The following ARHGAP9 variants were observed in gnomAD, a reference collection of about 807,000 sequenced individuals.
The protein encoded by ARHGAP9 is rho GTPase-activating protein 9.
A neutral mutation model predicts 87.3 loss-of-function variants in ARHGAP9; 76 were observed. That is an observed-to-expected ratio of 0.87 (90% CI 0.72 to 1.05). The LOEUF is 1.05. ARHGAP9 is among the 50% of genes least tolerant of loss of function. The probability of loss-of-function intolerance (pLI) is 0.00; values close to 1 mark genes in which losing one functional copy is unlikely to be tolerated. For synonymous variants in ARHGAP9, 382 were observed against 394.9 expected, an observed-to-expected ratio of 0.97 and a Z score of 0.39; for missense variants, 941 against 960.5, an observed-to-expected ratio of 0.98 and a Z score of 0.27.
At position 57,475,365 on chromosome 12, in the gene ARHGAP9, A is replaced by T; in HGVS notation, c.1478T>A (p.Val493Glu). The T allele has an allele frequency of 6.2e-7, 1 of 1,602,076 alleles. No homozygotes were observed. The highest frequency in any genetic ancestry group is 8.5e-7 in the Non-Finnish European group (1 of 1,174,254). Residue 493 changes from valine (V) to glutamate (E), a missense_variant, in exon 12 of 18, where the codon GTG (valine) becomes GAG (glutamate). Coordinates refer to ENST00000393791, the MANE Select transcript of ARHGAP9 (RefSeq NM_032496.4). The part of the protein sequence containing the change: ...RGPEGTEQNR[V>E]RNKLKRLIAK... ...GATGAGCCGCTTTAGTTTGTTGCGC[A>T]CGCGGTTCTGCTCGGTGCCTTCGGG... is the stretch of plus-strand genomic sequence containing the variant.
chr12:57,476,232 G>T, intron 8 of ARHGAP9, 66 bp from the exon 9 acceptor site: 1 of 1,494,020 alleles, frequency 6.7e-7, no homozygotes, highest in Admixed American at 2.1e-5. Context: ...CTCCCCGGTG[G>T]GCTGTGAGGA....
Position 57,477,198 on chromosome 12 carries a change from GC to G in ARHGAP9, c.827del (p.Gly276AlafsTer56), listed in dbSNP as rs1303821277. 1 of 1,611,148 alleles carries G rather than the reference GC, an allele frequency of 6.2e-7. No homozygotes were observed. The highest frequency in any genetic ancestry group is 8.5e-7 in the Non-Finnish European group (1 of 1,178,390). ...NNDVLQPQAK[G>X]FRSDTGTPEP... ...CTGGGGTCCCTGTGTCAGATCTGAA[GC>G]CCTTTGCCTGAGGTTGCAGGACATC... On this transcript the variant is annotated frameshift_variant, in exon 5 of 18. Coordinates refer to ENST00000393791, the MANE Select transcript of ARHGAP9 (RefSeq NM_032496.4). LOFTEE classifies it high-confidence loss of function.
At chr12:57,481,479 C>T (rs925923866), upstream of ARHGAP9, among the ~76,000 whole-genome samples, 2 of 152,154 alleles carry the variant, frequency 1.3e-5, no homozygotes, top group Non-Finnish European at 2.9e-5. Context: ...TCTCGAACTC[C>T]TGACCTCGTG....
chr12:57,477,813 G>T (rs1460968336), intron 3 of ARHGAP9, 133 bp from the exon 4 acceptor site: 2 of 1,511,084 alleles, frequency 1.3e-6, no homozygotes, highest in African/African-American at 2.8e-5. Context: ...GTGACCCAGG[G>T]TACTGGGGGA....
At position 57,478,637 on chromosome 12, in the gene ARHGAP9, T is replaced by C. The variant is rs1003984138; in HGVS notation, c.437A>G (p.Asp146Gly). The C allele has an allele frequency of 1.2e-6, 2 of 1,613,922 alleles. No individual in the cohort carries two copies. The highest frequency in any genetic ancestry group is 2.7e-5 in the African/African-American group (2 of 74,862). Residue 146 changes from aspartate (D) to glycine (G), a missense_variant, in exon 3 of 18, where the codon GAC becomes GGC. Transcript: ENST00000393791. ...CTTCAGAAGGCTGGGGCTCAGATTGTCAGTGCTGACGCTCCTACACATTTT... is the reference window on the plus strand; with the variant it reads ...CTTCAGAAGGCTGGGGCTCAGATTGCCAGTGCTGACGCTCCTACACATTTT... ...PRKMCRSVST[D>G]NLSPSLLKPF...
At chr12:57,477,040 G>T in intron 5 of ARHGAP9, 77 bp from the exon 6 acceptor site, 1 of 1,527,176 alleles carries the variant, frequency 6.5e-7, no homozygotes, top group Admixed American at 1.7e-5. Context: ...AAGAGGGGTG[G>T]GATACGGGTG....
At chr12:57,484,585 GTCATAACTTTAT>G (rs1385824990), upstream of ARHGAP9, among the ~76,000 whole-genome samples, 1 of 152,114 alleles carries the variant, frequency 6.6e-6, no homozygotes, top group African/African-American at 2.4e-5. Context: ...CTGGCATAAA[GTCATAACTTTAT>G]GCCTCAGTTC....
At position 57,475,131 on chromosome 12, in the gene ARHGAP9, C is replaced by G. The variant is rs926188968; in HGVS notation, c.1553-158G>C. The G allele has an allele frequency of 1.3e-5, 15 of 1,117,836 alleles. No homozygotes were observed. In the African/African-American group the frequency reaches 2.0e-4, roughly 15 times the overall value. The allele number at this position is 1,117,836 out of a possible 1,614,324, so 69.2% of individuals were successfully genotyped here. A position where few individuals can be genotyped will look rare whatever the true frequency, so the allele number is the denominator to read the frequency against. On this transcript the variant is annotated intron_variant, in intron 12 of 17. Transcript: ENST00000393791. ...TCCACCTCCCTTCCCCTGCTTCAAACAATCTGGCAAAGGGGTACAGGTCAC... is the reference window on the plus strand; with the variant it reads ...TCCACCTCCCTTCCCCTGCTTCAAAGAATCTGGCAAAGGGGTACAGGTCAC...
chr12:57,475,862 G>A lies in ARHGAP9; in HGVS notation c.1282C>T (p.Arg428Cys), dbSNP rs1474466465. ...CGCTCGATGACAGTCCGCAGCGCGCGGTGCCAGGCTCGCAGCTCTGTCTCG... is the reference window on the plus strand; with the variant it reads ...CGCTCGATGACAGTCCGCAGCGCGCAGTGCCAGGCTCGCAGCTCTGTCTCG... ...DHETELRAWHRALRTVIERLD... is the reference protein window; with the variant it reads ...DHETELRAWHCALRTVIERLD... The change falls in exon 10 of 18, where the codon CGC becomes TGC. Residue 428 changes from arginine (R) to cysteine (C), a missense_variant. By Grantham distance (180) the Arg-to-Cys change is radical. Coordinates refer to ENST00000393791, the MANE Select transcript of ARHGAP9 (RefSeq NM_032496.4). The A allele has an allele frequency of 1.2e-6, 2 of 1,613,810 alleles. No individual in the cohort carries two copies. The highest frequency in any genetic ancestry group is 1.7e-5 in the Admixed American group (1 of 59,986).
upstream of ARHGAP9, among the ~76,000 whole-genome samples, chr12:57,484,819 A>AT (rs1875278860): frequency 6.8e-6 from 1 of 146,972 alleles, no homozygotes. Context: ...TAATTTTTGT[A>AT]TTTTTTAGTA....
At chr12:57,479,453 A>C (rs1485073984) in intron 1 of ARHGAP9, 29 bp from the exon 2 acceptor site, 1 of 1,590,088 alleles carries the variant, frequency 6.3e-7, no homozygotes. Flanking sequence ...CTGGAGACCC[A>C]GAAGGGAATA....
At position 57,479,184 on chromosome 12, in the gene ARHGAP9, G is replaced by T; in HGVS notation, c.223C>A (p.Pro75Thr). ...ATATAGGCTGCTGGGACGAAGATGGGTCGAGAGGTGGAGGGAGCTTCTAGG... is the reference window on the plus strand; with the variant it reads ...ATATAGGCTGCTGGGACGAAGATGGTTCGAGAGGTGGAGGGAGCTTCTAGG... ...RRLEAPSTSR[P>T]IFVPAAYMIE... The change falls in exon 2 of 18, where the codon CCC (proline) becomes ACC (threonine). Residue 75 changes from proline (P) to threonine (T), a missense_variant. Pro to Thr is a conservative substitution (Grantham distance 38). Transcript: ENST00000393791. The T allele has an allele frequency of 6.2e-7, 1 of 1,614,204 alleles. No individual in the cohort carries two copies.
chr12:57,476,747 A>T, intron 6 of ARHGAP9, 96 bp from the exon 7 acceptor site: 1 of 1,546,240 alleles, frequency 6.5e-7, no homozygotes, highest in East Asian at 2.3e-5. Flanking sequence ...AAGTCCCTTA[A>T]AGTTGCTGGG....
At chr12:57,486,345 C>T (rs1271171140) in intron 1 of ARHGAP9, among the ~76,000 whole-genome samples, 4 of 151,602 alleles carry the variant, frequency 2.6e-5, no homozygotes, top group African/African-American at 9.7e-5. Context: ...TCTCGGCTCA[C>T]TGCAACCTCT....
rs1873580434 is a variant in ARHGAP9 at position 57,476,154 on chromosome 12, T to G, written c.1129A>C (p.Ser377Arg). Residue 377 changes from serine to arginine, a missense_variant, in exon 9 of 18, where the codon AGC (serine) becomes CGC (arginine). Ser to Arg is a moderately radical substitution (Grantham distance 110). Transcript: ENST00000393791. ...AGGTCCACGCTACTTTCGGGCCGGC[T>G]ACCCGCTGGTCCCTGACAATGAGGG... ...APSSGWGPAG[S>R]RPESSVDLRG... 6.5e-7 allele frequency: 1 copy of G among 1,541,774 alleles called. No homozygotes were observed. Among genetic ancestry groups the G allele is most frequent in the Non-Finnish European group, 8.7e-7 (1 of 1,142,974 alleles).
chr12:57,474,669 C>A lies in ARHGAP9; in HGVS notation c.1686G>T (p.Gly562=), dbSNP rs770018068. The change falls in exon 14 of 18, where the codon GGG becomes GGT. Residue 562 remains glycine (G), a synonymous_variant. Coordinates refer to ENST00000393791, the MANE Select transcript of ARHGAP9 (RefSeq NM_032496.4). Reference sequence around the variant, plus strand: ...GAAGCTTCTGGACCACTGCCAAGTTCCCGCTCACCCGATAAATGCCATCCA... The same window carrying A: ...GAAGCTTCTGGACCACTGCCAAGTTACCGCTCACCCGATAAATGCCATCCA... The part of the protein sequence containing the change: ...LDVDGIYRVS[G]NLAVVQKLRF... The A allele has an allele frequency of 1.3e-5, 21 of 1,614,028 alleles. No individual in the cohort carries two copies. In the Admixed American group the frequency reaches 3.0e-4, roughly 23 times the overall value.
chr12:57,473,703 A>C lies in ARHGAP9; in HGVS notation c.1924T>G (p.Ser642Ala), dbSNP rs1216335898. The C allele has an allele frequency of 6.2e-7, 1 of 1,613,296 alleles. No homozygotes were observed. The highest frequency in any genetic ancestry group is 1.3e-5 in the African/African-American group (1 of 74,918). Reference sequence around the variant, plus strand: ...TGAGAGAGGCACTGCTCTGATTCGGAGAGTGCTAGAGAGAGTGATGGGAAA... The same window carrying C: ...TGAGAGAGGCACTGCTCTGATTCGGCGAGTGCTAGAGAGAGTGATGGGAAA... ...LPHFRAALAL[S>A]ESEQCLSQIQ... is the part of the protein sequence containing the mutation. Residue 642 changes from serine to alanine, a missense_variant, in exon 17 of 18, where the codon TCC (serine) becomes GCC (alanine). Coordinates refer to ENST00000393791, the MANE Select transcript of ARHGAP9 (RefSeq NM_032496.4).
intron 1 of ARHGAP9, chr12:57,488,231 G>T (rs1324874832): frequency 2.5e-6 from 4 of 1,578,008 alleles, no homozygotes; most frequent in East Asian, 2.2e-5. Flanking sequence ...GGCGGTGGAT[G>T]GGGGGGCGGG....
At chr12:57,486,516 C>T (rs1407746073) in intron 1 of ARHGAP9, among the ~76,000 whole-genome samples, 5 of 151,650 alleles carry the variant, frequency 3.3e-5, no homozygotes, top group Admixed American at 2.0e-4. Flanking sequence ...GTCATCTGCT[C>T]GCCTCGGCCT....
Sources: gnomAD v4.1 joint callset for allele counts (sites outside exome capture counted in the v4.1 genomes callset) on GRCh38, gnomAD v4.1.1 for gene constraint, MANE v1.5 for transcripts, NCBI Gene and HGNC (gene_info 2026-07-23, HGNC 2026-07-21) for gene names.